Variants in ELMO1 observed in about 807,000 individuals in gnomAD.
ELMO1 encodes the protein engulfment and cell motility 1.
In ELMO1, 26 loss-of-function variants were observed where a neutral mutation model predicts 98.9. The observed-to-expected ratio is 0.26, with a 90% CI of 0.19 to 0.36. The LOEUF (loss-of-function observed/expected upper bound fraction) is 0.36, where lower values mean the gene tolerates loss of function less well. ELMO1 is among the 10% of genes least tolerant of loss of function. The pLI, the probability that ELMO1 is intolerant of heterozygous loss-of-function variation, is 1.00. For missense variants in ELMO1, 627 were observed against 935.2 expected (o/e 0.67, Z 4.30); for synonymous variants, 346 against 346.0 (o/e 1.00, Z 0.00).
intron 14 of ELMO1, among the ~76,000 whole-genome samples, chr7:37,124,609 C>G (rs1786359347): frequency 6.6e-6 from 1 of 152,196 alleles, no homozygotes; most frequent in African/African-American, 2.4e-5. Context: ...AGGAGAACAA[C>G]AAACCACTGC....
chr7:37,376,046 T>A (rs922888669), intron 1 of ELMO1: 1 of 403,354 alleles, frequency 2.5e-6, no homozygotes, highest in Admixed American at 3.6e-5. Context: ...TTATTTCACA[T>A]TGAATAAACT....
intron 16 of ELMO1, among the ~76,000 whole-genome samples, chr7:36,928,631 G>C (rs978258426): frequency 1.3e-5 from 2 of 152,298 alleles, no homozygotes; most frequent in Middle Eastern, 3.4e-3. Context: ...CCCACTGCCT[G>C]GTTAACAATG....
intron 17 of ELMO1, among the ~76,000 whole-genome samples, chr7:36,894,624 C>T (rs1344403556): frequency 6.6e-6 from 1 of 152,176 alleles, no homozygotes; most frequent in African/African-American, 2.4e-5. Flanking sequence ...ACTAACAGGG[C>T]CAGCTCCTGG....
chr7:37,417,846 A>G (rs1804295434), intron 1 of ELMO1, among the ~76,000 whole-genome samples: 1 of 152,194 alleles, frequency 6.6e-6, no homozygotes, highest in Non-Finnish European at 1.5e-5. Context: ...TGTCTCAAAA[A>G]CAAAAGAGGA....
At chr7:37,021,767 T>A (rs1240130487) in intron 15 of ELMO1, among the ~76,000 whole-genome samples, 1 of 152,180 alleles carries the variant, frequency 6.6e-6, no homozygotes, top group African/African-American at 2.4e-5. Context: ...TTAACCGAGA[T>A]AAAGAACTCA....
At chr7:37,352,063 T>C (rs1266586116) in intron 1 of ELMO1, among the ~76,000 whole-genome samples, 1 of 152,198 alleles carries the variant, frequency 6.6e-6, no homozygotes, top group Non-Finnish European at 1.5e-5. Context: ...AATAGAATAA[T>C]ATCCACTAAT....
At chr7:37,162,390 G>T (rs1437116292) in intron 13 of ELMO1, among the ~76,000 whole-genome samples, 1 of 152,142 alleles carries the variant, frequency 6.6e-6, no homozygotes, top group Non-Finnish European at 1.5e-5. Context: ...TCTGGCCCCT[G>T]AAACTCTTCC....
chr7:37,098,853 G>T (rs1471643794), intron 14 of ELMO1, among the ~76,000 whole-genome samples: 1 of 152,152 alleles, frequency 6.6e-6, no homozygotes, highest in Admixed American at 6.5e-5. Context: ...AAAAGAAACA[G>T]AGCCAGAAGA....
intron 1 of ELMO1, among the ~76,000 whole-genome samples, chr7:37,392,877 G>T (rs1803139589): frequency 6.6e-6 from 1 of 152,172 alleles, no homozygotes; most frequent in Non-Finnish European, 1.5e-5. Flanking sequence ...CATCTGCCCT[G>T]GGAGGTAACT....
intron 6 of ELMO1, among the ~76,000 whole-genome samples, chr7:37,246,480 CAA>C (rs1795011003): frequency 6.6e-6 from 1 of 152,040 alleles, no homozygotes. Flanking sequence ...AGTAATAAAA[CAA>C]AGAGATACCA....
At chr7:37,276,738 C>T (rs772070948) in intron 4 of ELMO1, among the ~76,000 whole-genome samples, 15 of 152,184 alleles carry the variant, frequency 9.9e-5, no homozygotes, top group Admixed American at 3.3e-4. Context: ...AGGACAGAAA[C>T]GTCTACCCAG....
intron 9 of ELMO1, 94 bp from the exon 10 acceptor site, chr7:37,222,787 C>T (rs146000178): frequency 0.028 from 30,902 of 1,114,508 alleles, 683 homozygotes; most frequent in Admixed American, 0.075. Context: ...AATCAGCCCC[C>T]TCCCCCCAAA....
At chr7:36,895,045 T>G (rs1190162999) in intron 16 of ELMO1, 28 bp from the exon 17 acceptor site, 13 of 1,610,778 alleles carry the variant, frequency 8.1e-6, no homozygotes, top group Non-Finnish European at 1.1e-5. Flanking sequence ...ACCATCATTT[T>G]CCTGGGGGCT....
intron 13 of ELMO1, among the ~76,000 whole-genome samples, chr7:37,136,328 A>G (rs1381453574): frequency 6.6e-6 from 1 of 152,200 alleles, no homozygotes; most frequent in Non-Finnish European, 1.5e-5. Context: ...AACTCCCTCA[A>G]TTACCTTGCT....
intron 16 of ELMO1, among the ~76,000 whole-genome samples, chr7:36,969,827 T>G (rs891002573): frequency 1.3e-5 from 2 of 152,184 alleles, no homozygotes; most frequent in Non-Finnish European, 2.9e-5. Context: ...TAAATCATAT[T>G]TCTTTAATAA....
At chr7:36,956,202 G>A (rs1015369287) in intron 16 of ELMO1, among the ~76,000 whole-genome samples, 1 of 152,232 alleles carries the variant, frequency 6.6e-6, no homozygotes, top group Middle Eastern at 3.4e-3. Context: ...TCTGCTTCCA[G>A]ACCACTATCC....
intron 19 of ELMO1, among the ~76,000 whole-genome samples, chr7:36,872,672 A>G (rs1036972141): frequency 2.6e-5 from 4 of 152,136 alleles, no homozygotes; most frequent in African/African-American, 9.7e-5. Flanking sequence ...CCTTTCCCTC[A>G]GTAGCTGATC....
intron 8 of ELMO1, among the ~76,000 whole-genome samples, chr7:37,228,593 T>C (rs1005997141): frequency 2.0e-5 from 3 of 152,350 alleles, no homozygotes; most frequent in South Asian, 2.1e-4. Flanking sequence ...GAAATACTTA[T>C]GTAACTTTTA....
At chr7:37,318,408 G>A (rs1799319385) in intron 2 of ELMO1, among the ~76,000 whole-genome samples, 1 of 152,098 alleles carries the variant, frequency 6.6e-6, no homozygotes, top group African/African-American at 2.4e-5. Flanking sequence ...AAAAAGTCAG[G>A]CCAAGAAGGT....
Sources: allele counts gnomAD v4.1 joint callset (sites outside exome capture counted in the v4.1 genomes callset), GRCh38; gene constraint gnomAD v4.1.1; transcripts MANE v1.5; gene names NCBI Gene and HGNC (gene_info 2026-07-23, HGNC 2026-07-21).